Variants in MAP4K4 observed in about 807,000 individuals in gnomAD.
MAP4K4 encodes the protein HPK/GCK-like kinase HGK.
MAP4K4 carries 38 observed loss-of-function variants against 189.6 expected under a neutral mutation model. That is an observed-to-expected ratio of 0.20 (90% CI 0.15 to 0.26). MAP4K4 has a LOEUF of 0.26. Ranked by LOEUF, MAP4K4 falls within the 10% of genes least tolerant of loss-of-function variation. The pLI is 1.00. For synonymous variants in MAP4K4, 610 were observed against 624.3 expected, an observed-to-expected ratio of 0.98 and a Z score of 0.34; for missense variants, 1,054 against 1,726.9, an observed-to-expected ratio of 0.61 and a Z score of 6.91.
Position 101,730,903 on chromosome 2 carries a change from CG to C in MAP4K4, c.123+32368del, listed in dbSNP as rs1468320121. Reference sequence around the variant, plus strand: ...TCTACAAAAAACGCAGAAAATTAGCCGGGCACGATGGCGGGCACCTGTAGTC... The same window carrying C: ...TCTACAAAAAACGCAGAAAATTAGCCGGCACGATGGCGGGCACCTGTAGTC... On this transcript the variant is annotated intron_variant, in intron 2 of 32. Transcript: ENST00000324219. Among the ~76,000 whole-genome samples the C allele has an allele frequency of 7.3e-5, 11 of 151,518 alleles. No individual in the cohort carries two copies. In the South Asian group the frequency reaches 2.1e-3, roughly 29 times the overall value.
At position 101,866,597 on chromosome 2, in the gene MAP4K4, TC is replaced by T. The variant is rs759326612; in HGVS notation, c.2356+20del. On this transcript the variant is annotated intron_variant, in intron 19 of 32. Transcript: ENST00000324219. ...AGTGAGATGTAAGCTGCCTTTCCTT[TC>T]CTTTTTCCCTGCTAATGTTTTGAGC... The T allele has an allele frequency of 6.2e-7, 1 of 1,605,712 alleles. No homozygotes were observed. Among genetic ancestry groups the T allele is most frequent in the South Asian group, 1.1e-5 (1 of 90,774 alleles).
chr2:101,711,589 AT>A (rs773859165), intron 2 of MAP4K4, among the ~76,000 whole-genome samples: 1 of 151,826 alleles, frequency 6.6e-6, no homozygotes, highest in Non-Finnish European at 1.5e-5. Flanking sequence ...AGAGAATTTT[AT>A]TTTTCTAATC....
chr2:101,782,874 G>A (rs1049273657), intron 2 of MAP4K4, among the ~76,000 whole-genome samples: 9 of 152,168 alleles, frequency 5.9e-5, no homozygotes, highest in Non-Finnish European at 1.0e-4. Flanking sequence ...TTTTGTAAAA[G>A]AACACCTATG....
intron 2 of MAP4K4, among the ~76,000 whole-genome samples, chr2:101,745,336 C>G (rs1474457583): frequency 7.5e-6 from 1 of 132,740 alleles, no homozygotes; most frequent in Non-Finnish European, 1.6e-5. Flanking sequence ...TCACCCCCCC[C>G]CCCCCAATAC....
chr2:101,752,173 A>C (rs554015073), intron 2 of MAP4K4, among the ~76,000 whole-genome samples: 1 of 152,316 alleles, frequency 6.6e-6, no homozygotes, highest in East Asian at 1.9e-4. Flanking sequence ...AAAGTGGATT[A>C]AAACTAATTT....
chr2:101,852,094 A>G (rs2097303924), intron 12 of MAP4K4, among the ~76,000 whole-genome samples: 1 of 151,300 alleles, frequency 6.6e-6, no homozygotes. Flanking sequence ...TAGAGTGAGT[A>G]CTTTAGAGGA....
At chr2:101,799,686 G>C (rs2094179532) in intron 3 of MAP4K4, among the ~76,000 whole-genome samples, 1 of 151,702 alleles carries the variant, frequency 6.6e-6, no homozygotes, top group Non-Finnish European at 1.5e-5. Context: ...ACTGCAGCCT[G>C]GACTTCCTGG....
Position 101,744,923 on chromosome 2 carries a change from C to A in MAP4K4, c.124-45797C>A, listed in dbSNP as rs570822435. Among the ~76,000 whole-genome samples the A allele has an allele frequency of 4.5e-3, 679 of 152,258 alleles. 5 individuals carry two copies. Among genetic ancestry groups the A allele is most frequent in the African/African-American group, 0.015 (639 of 41,548 alleles). On this transcript the variant is annotated intron_variant, in intron 2 of 32. Transcript: ENST00000324219. Reference sequence around the variant, plus strand: ...TAAGCACCAGGAGTTTAGTAACTTTCATGGTGGGAAGAGTTCTAAGTGTTG... The same window carrying A: ...TAAGCACCAGGAGTTTAGTAACTTTAATGGTGGGAAGAGTTCTAAGTGTTG...
intron 3 of MAP4K4, among the ~76,000 whole-genome samples, chr2:101,796,341 A>C (rs559705097): frequency 6.6e-6 from 1 of 152,232 alleles, no homozygotes; most frequent in Admixed American, 6.5e-5. Flanking sequence ...CCCTCCAAAA[A>C]ATTCTAATGC....
chr2:101,894,464 C>T (rs895995135), exon 33 of MAP4K4: 2 of 152,650 alleles, frequency 1.3e-5, no homozygotes, highest in African/African-American at 4.8e-5. Context: ...TTTAGGTTTT[C>T]GTCTTAGTTG....
intron 24 of MAP4K4, among the ~76,000 whole-genome samples, chr2:101,871,981 C>G (rs1250167287): frequency 1.3e-5 from 2 of 152,208 alleles, no homozygotes; most frequent in Non-Finnish European, 2.9e-5. Flanking sequence ...AATGATTGCT[C>G]TGTCCTCAGA....
intron 24 of MAP4K4, 107 bp downstream of exon 24, chr2:101,871,792 A>C: frequency 2.0e-6 from 2 of 1,011,330 alleles, no homozygotes; most frequent in East Asian, 5.4e-5. Flanking sequence ...TTCCCTTCCC[A>C]CCCTGCTTTC....
chr2:101,880,915 C>G (rs1166667952), intron 27 of MAP4K4, among the ~76,000 whole-genome samples: 1 of 152,172 alleles, frequency 6.6e-6, no homozygotes, highest in Admixed American at 6.5e-5. Flanking sequence ...ATCTTGAAGT[C>G]AGGTACTGTC....
chr2:101,795,341 A>T (rs1216255636), intron 3 of MAP4K4, among the ~76,000 whole-genome samples: 1 of 152,188 alleles, frequency 6.6e-6, no homozygotes, highest in Non-Finnish European at 1.5e-5. Context: ...TTTTGTATTT[A>T]TTAGTCAACA....
Position 101,824,058 on chromosome 2 carries a change from G to A in MAP4K4, c.306+5G>A. 6.9e-7 allele frequency: 1 copy of A among 1,454,932 alleles called. No homozygotes were observed. Among genetic ancestry groups the A allele is most frequent in the Non-Finnish European group, 9.2e-7 (1 of 1,087,822 alleles). The allele number at this position is 1,454,932 out of a possible 1,614,324, so 90.1% of individuals were successfully genotyped here. A position where few individuals can be genotyped will look rare whatever the true frequency, so the allele number is the denominator to read the frequency against. ...GGACATGATGACCAACTCTGGGTAG[G>A]TGGATGTTTCCTGAGCATTTGTGGG... On this transcript the variant is annotated splice_donor_5th_base_variant and intron_variant, in intron 4 of 32. Coordinates refer to ENST00000324219, the Ensembl canonical transcript of MAP4K4.
chr2:101,782,062 TG>T (rs1334762458), intron 2 of MAP4K4, among the ~76,000 whole-genome samples: 1 of 152,234 alleles, frequency 6.6e-6, no homozygotes, highest in Non-Finnish European at 1.5e-5. Context: ...TAGTAATTAG[TG>T]ATCATAATGA....
chr2:101,891,350 A>G, exon 33 of MAP4K4: 1 of 959,240 alleles, frequency 1.0e-6, no homozygotes, highest in East Asian at 2.5e-5. Flanking sequence ...GAGGGCAACC[A>G]GGACAGCTGT....
chr2:101,736,903 T>G (rs760145813), intron 2 of MAP4K4, among the ~76,000 whole-genome samples: 11 of 152,196 alleles, frequency 7.2e-5, no homozygotes, highest in Non-Finnish European at 1.5e-4. Context: ...GCAGCACAAG[T>G]GTTCATCAAT....
intron 3 of MAP4K4, among the ~76,000 whole-genome samples, chr2:101,806,343 A>G (rs1213538297): frequency 1.3e-5 from 2 of 151,594 alleles, no homozygotes; most frequent in Admixed American, 1.3e-4. Context: ...TATACAAGAA[A>G]AGAGTGAATG....
Sources: allele counts gnomAD v4.1 joint callset (sites outside exome capture counted in the v4.1 genomes callset), GRCh38; gene constraint gnomAD v4.1.1; transcripts MANE v1.5; gene names NCBI Gene and HGNC (gene_info 2026-07-23, HGNC 2026-07-21).